The following CDYL variants were observed in gnomAD, a reference collection of about 807,000 sequenced individuals.
CDYL encodes the protein chromodomain Y like, also known as chromodomain Y-like protein.
CDYL carries 8 observed loss-of-function variants against 47.3 expected under a neutral mutation model. The observed-to-expected ratio is 0.17, with a 90% CI of 0.10 to 0.31. The LOEUF (loss-of-function observed/expected upper bound fraction) is 0.31. Among genes scored for constraint, CDYL ranks in the 10% least tolerant of loss-of-function variants. CDYL has a pLI of 1.00. For missense variants in CDYL, 471 were observed against 701.4 expected (o/e 0.67, Z 3.71); for synonymous variants, 266 against 265.0 (o/e 1.00, Z -0.04).
At chr6:4,748,935 G>C (rs992484957) in intron 3 of CDYL, among the ~76,000 whole-genome samples, 2 of 152,168 alleles carry the variant, frequency 1.3e-5, no homozygotes, top group Non-Finnish European at 2.9e-5. Flanking sequence ...AGAACAGTGA[G>C]ACTGGAAGGG....
At chr6:4,916,831 TC>T (rs1757569640) in intron 2 of CDYL, among the ~76,000 whole-genome samples, 1 of 152,174 alleles carries the variant, frequency 6.6e-6, no homozygotes, top group South Asian at 2.1e-4. Flanking sequence ...TGTGTAGTGA[TC>T]CCCTCATGCT....
intron 1 of CDYL, among the ~76,000 whole-genome samples, chr6:4,826,063 C>A (rs1418561893): frequency 2.0e-5 from 3 of 152,164 alleles, no homozygotes; most frequent in Admixed American, 2.0e-4. Context: ...TCAGGCAAGT[C>A]ACTTAACATT....
rs569061824 is a variant in CDYL, at chr6:4,943,769, T to TAA, written c.1332+13_1332+14insAA. ...GGGAGGAGCATCTGTGAGTACCTTT[T>TAA]TAAAAAAAAAAAAAAAAAGTCATTC... On this transcript the variant is annotated intron_variant, in intron 5 of 6. Transcript: ENST00000397588. The TAA allele has an allele frequency of 4.3e-3, 5,240 of 1,208,266 alleles. 9 individuals are homozygous for TAA. Among genetic ancestry groups the TAA allele is most frequent in the African/African-American group, 0.015 (743 of 51,154 alleles). 74.8% of individuals were successfully genotyped at this position (1,208,266 alleles called of 1,614,324 possible). A position where few individuals can be genotyped will look rare whatever the true frequency, so the allele number is the denominator to read the frequency against.
chr6:4,857,680 G>A lies in CDYL; in HGVS notation c.25-34033G>A, dbSNP rs146068097. On this transcript the variant is annotated intron_variant, in intron 1 of 6. Coordinates refer to ENST00000397588, the MANE Select transcript of CDYL (RefSeq NM_004824.4). ...ATGACCTGTGCTCACAGTACCACCT[G>A]TTCATGGATCTCTTCTGTCTGTTTC... Among the ~76,000 whole-genome samples the A allele has an allele frequency of 4.2e-3, 633 of 152,292 alleles. 1 individual carries two copies. Among genetic ancestry groups the A allele is most frequent in the African/African-American group, 0.014 (595 of 41,562 alleles).
At chr6:4,820,500 C>T (rs1759803876) in intron 1 of CDYL, among the ~76,000 whole-genome samples, 1 of 152,180 alleles carries the variant, frequency 6.6e-6, no homozygotes, top group Non-Finnish European at 1.5e-5. Context: ...TCTCTGGCAG[C>T]ATCGGACCTT....
chr6:4,906,998 T>C (rs1438653545), intron 2 of CDYL, among the ~76,000 whole-genome samples: 1 of 152,208 alleles, frequency 6.6e-6, no homozygotes, highest in Non-Finnish European at 1.5e-5. Flanking sequence ...TCACAAGGGG[T>C]TTTCTCATGT....
intron 2 of CDYL, among the ~76,000 whole-genome samples, chr6:4,732,784 A>G (rs886160721): frequency 2.0e-5 from 3 of 151,990 alleles, no homozygotes; most frequent in African/African-American, 7.2e-5. Context: ...AGGGAGGAAA[A>G]CAGATTCAAG....
At chr6:4,728,770 T>C (rs142200280) in intron 2 of CDYL, among the ~76,000 whole-genome samples, 137 of 152,342 alleles carry the variant, frequency 9.0e-4, no homozygotes, top group African/African-American at 2.3e-3. Context: ...CAAAGCGATG[T>C]CATGGGCTCA....
At chr6:4,906,175 A>G (rs1757231382) in intron 2 of CDYL, among the ~76,000 whole-genome samples, 1 of 152,218 alleles carries the variant, frequency 6.6e-6, no homozygotes, top group African/African-American at 2.4e-5. Context: ...TATTGAATGG[A>G]AAACCGGATG....
At chr6:4,951,785 C>CT (rs1165964537) in intron 5 of CDYL, among the ~76,000 whole-genome samples, 1 of 152,112 alleles carries the variant, frequency 6.6e-6, no homozygotes, top group Non-Finnish European at 1.5e-5. Context: ...GGTAGGAATT[C>CT]TGTGCCTGGT....
At chr6:4,901,697 T>C (rs568397149) in intron 2 of CDYL, among the ~76,000 whole-genome samples, 136 of 152,324 alleles carry the variant, frequency 8.9e-4, no homozygotes, top group African/African-American at 3.1e-3. Context: ...ATAAGCGTAA[T>C]TGATTTTATT....
intron 1 of CDYL, among the ~76,000 whole-genome samples, chr6:4,821,260 CTTTTTTTTTT>C (rs1176819548): frequency 1.5e-4 from 9 of 60,378 alleles, no homozygotes; most frequent in Admixed American, 9.9e-4. Context: ...TATGGGAATT[CTTTTTTTTTT>C]TTTTTTTTTT....
At chr6:4,766,157 T>C (rs1392085241) in intron 3 of CDYL, among the ~76,000 whole-genome samples, 1 of 152,186 alleles carries the variant, frequency 6.6e-6, no homozygotes, top group Admixed American at 6.5e-5. Context: ...TTAGATGAAA[T>C]GGACAAATTG....
intron 2 of CDYL, among the ~76,000 whole-genome samples, chr6:4,728,835 T>C (rs561014935): frequency 6.6e-6 from 1 of 152,302 alleles, no homozygotes; most frequent in African/African-American, 2.4e-5. Context: ...TCAAGGTCAG[T>C]TGGCCATCTG....
intron 2 of CDYL, among the ~76,000 whole-genome samples, chr6:4,912,985 T>C (rs904503043): frequency 6.6e-6 from 1 of 152,224 alleles, no homozygotes; most frequent in Admixed American, 6.5e-5. Context: ...CCATAGCAGC[T>C]GCTGACTGCT....
intron 1 of CDYL, 146 bp from the exon 2 acceptor site, chr6:4,891,567 C>G (rs1263676198): frequency 1.5e-6 from 1 of 651,290 alleles, no homozygotes; most frequent in Non-Finnish European, 2.6e-6. Context: ...ACCCAAATGG[C>G]CTATTACTAT....
chr6:4,925,841 GTGAGAACACACATC>G (rs893320980), intron 2 of CDYL, among the ~76,000 whole-genome samples: 3 of 152,164 alleles, frequency 2.0e-5, no homozygotes, highest in Non-Finnish European at 4.4e-5. Context: ...TGGTTTGCAT[GTGAGAACACACATC>G]TCTGTGAATA....
intron 1 of CDYL, among the ~76,000 whole-genome samples, chr6:4,823,019 C>T (rs1017861726): frequency 5.3e-5 from 8 of 152,116 alleles, no homozygotes; most frequent in Non-Finnish European, 8.8e-5. Context: ...TGTGCATTGT[C>T]GTAAGAAGTC....
chr6:4,941,780 G>A (rs1053216388), intron 4 of CDYL, among the ~76,000 whole-genome samples: 2 of 152,004 alleles, frequency 1.3e-5, no homozygotes, highest in Non-Finnish European at 2.9e-5. Context: ...CCTTGACTTT[G>A]ATCATCGCTT....
Sources: allele counts gnomAD v4.1 joint callset (sites outside exome capture counted in the v4.1 genomes callset), GRCh38; gene constraint gnomAD v4.1.1; transcripts MANE v1.5; gene names NCBI Gene and HGNC (gene_info 2026-07-23, HGNC 2026-07-21).